ADGRB1: variants seen among roughly 807,000 people sequenced by gnomAD.
ADGRB1 encodes the protein adhesion G protein-coupled receptor B1, also known as brain-specific angiogenesis inhibitor 1.
Under a neutral mutation model 175.7 loss-of-function variants are expected in ADGRB1, and 36 were observed. The observed-to-expected ratio is 0.20, with a 90% CI of 0.16 to 0.27. ADGRB1 has a LOEUF of 0.27. Among genes scored for constraint, ADGRB1 ranks in the 10% least tolerant of loss-of-function variants. The pLI is 1.00. For missense variants in ADGRB1, 1,731 were observed against 2,255.3 expected, an observed-to-expected ratio of 0.77 and a Z score of 4.71; for synonymous variants, 1,054 against 979.4, an observed-to-expected ratio of 1.08 and a Z score of -1.42.
rs915506479 is a variant in ADGRB1, at chr8:142,464,666, C to T, written c.468C>T (p.Leu156=). Residue 156 remains leucine, a synonymous_variant, in exon 2 of 31, where the codon CTC becomes CTT. Transcript: ENST00000517894. ...RRQQPPQHDG[L]RPRAGPPGPT... Reference sequence around the variant, plus strand: ...AGCAGCCGCCCCAGCACGACGGGCTCCGGCCCCGGGCCGGGCCGCCGGGCC... The same window carrying T: ...AGCAGCCGCCCCAGCACGACGGGCTTCGGCCCCGGGCCGGGCCGCCGGGCC... 6 of 1,522,692 alleles carry T rather than the reference C, an allele frequency of 3.9e-6. No individual in the cohort carries two copies. The highest frequency in any genetic ancestry group is 2.5e-5 in the East Asian group (1 of 39,504). The allele number at this position is 1,522,692 out of a possible 1,614,324, so 94.3% of individuals were successfully genotyped here. A position where few individuals can be genotyped will look rare whatever the true frequency, so the allele number is the denominator to read the frequency against.
chr8:142,453,582 C>G (rs906749667), intron 1 of ADGRB1, among the ~76,000 whole-genome samples: 1 of 152,196 alleles, frequency 6.6e-6, no homozygotes, highest in African/African-American at 2.4e-5. Flanking sequence ...TGGGATCCCC[C>G]TGTAGACAGC....
chr8:142,502,264 TGG>T (rs2131980965), intron 17 of ADGRB1, among the ~76,000 whole-genome samples: 1 of 143,502 alleles, frequency 7.0e-6, no homozygotes, highest in African/African-American at 2.6e-5. Flanking sequence ...GTGGTGATGA[TGG>T]GGTGGCGGTA....
At chr8:142,456,769 G>A (rs1839707939) in intron 1 of ADGRB1, among the ~76,000 whole-genome samples, 1 of 152,368 alleles carries the variant, frequency 6.6e-6, no homozygotes, top group African/African-American at 2.4e-5. Flanking sequence ...CCGCCGTGGT[G>A]GGGTGGAGGC....
At chr8:142,459,013 C>T (rs1166548708) in intron 1 of ADGRB1, among the ~76,000 whole-genome samples, 4 of 152,214 alleles carry the variant, frequency 2.6e-5, no homozygotes, top group South Asian at 2.1e-4. Flanking sequence ...GAGTGGCCAG[C>T]GCCCACACTG....
intron 9 of ADGRB1, among the ~76,000 whole-genome samples, 163 bp downstream of exon 9, chr8:142,479,957 G>A (rs754605803): frequency 2.6e-5 from 4 of 152,246 alleles, no homozygotes; most frequent in Non-Finnish European, 1.5e-5. Flanking sequence ...AGGGCACCGT[G>A]TGAGAACTCT....
intron 19 of ADGRB1, among the ~76,000 whole-genome samples, chr8:142,519,864 ATGG>A (rs1200737895): frequency 8.7e-6 from 1 of 115,582 alleles, no homozygotes; most frequent in African/African-American, 3.5e-5. Flanking sequence ...GGTCGTGGTG[ATGG>A]TGGTGCTGGT....
At chr8:142,461,595 C>T (rs1019784584) in intron 1 of ADGRB1, among the ~76,000 whole-genome samples, 5 of 152,200 alleles carry the variant, frequency 3.3e-5, no homozygotes, top group Non-Finnish European at 7.4e-5. Context: ...AGCTCCTGTG[C>T]CTGCTCCTGG....
At chr8:142,495,974 G>T (rs1842194970) in intron 17 of ADGRB1, among the ~76,000 whole-genome samples, 1 of 151,368 alleles carries the variant, frequency 6.6e-6, no homozygotes, top group Non-Finnish European at 1.5e-5. Flanking sequence ...TGGATACGTG[G>T]GTGGCTGGAT....
intron 9 of ADGRB1, among the ~76,000 whole-genome samples, chr8:142,480,758 C>T (rs1299680583): frequency 6.6e-6 from 1 of 152,206 alleles, no homozygotes; most frequent in Non-Finnish European, 1.5e-5. Context: ...CTGATGATGT[C>T]CTGGGAGTGA....
chr8:142,543,816 A>G lies in ADGRB1; in HGVS notation c.4557+108A>G, dbSNP rs543999425. 239 of 1,091,546 alleles carry G rather than the reference A, an allele frequency of 2.2e-4. No individual in the cohort carries two copies. The African/African-American group carries it at 2.5e-3, about 11-fold the overall frequency. The allele number at this position is 1,091,546 out of a possible 1,614,324, so 67.6% of individuals were successfully genotyped here. A position where few individuals can be genotyped will look rare whatever the true frequency, so the allele number is the denominator to read the frequency against. Reference sequence around the variant, plus strand: ...CATCCATCCATCCATCCATCCATCCATTCGTTCATTCATTCATTCATTCGC... The same window carrying G: ...CATCCATCCATCCATCCATCCATCCGTTCGTTCATTCATTCATTCATTCGC... On this transcript the variant is annotated intron_variant, in intron 30 of 30. Transcript: ENST00000517894. This position sits in a 1 kb window ranked among gnomAD's most constrained non-coding sequence, Gnocchi z 4.4.
chr8:142,467,950 G>T (rs1416536125), intron 2 of ADGRB1, among the ~76,000 whole-genome samples: 1 of 152,220 alleles, frequency 6.6e-6, no homozygotes, highest in East Asian at 1.9e-4. Context: ...AGGGAGCAGA[G>T]ACAGACTGGA....
intron 24 of ADGRB1, among the ~76,000 whole-genome samples, chr8:142,532,520 G>T (rs545039920): frequency 6.6e-6 from 1 of 152,158 alleles, no homozygotes; most frequent in Admixed American, 6.5e-5. Flanking sequence ...GCAGGTGGCC[G>T]CTGGGGCTCA....
chr8:142,543,452 TC>T lies in ADGRB1; in HGVS notation c.4449+22del, dbSNP rs753262429. 104 of 1,612,094 alleles carry T rather than the reference TC, an allele frequency of 6.5e-5. 3 individuals are homozygous for T. The highest frequency in any genetic ancestry group is 3.6e-4 in the South Asian group (33 of 90,938). ...CTGGACTTTGAGGTGAGTTCTGGTG[TC>T]CCCCCCCACCAGACACTTAGGGCCA... On this transcript the variant is annotated intron_variant, in intron 29 of 30. Transcript: ENST00000517894. This position sits in a 1 kb window ranked among gnomAD's most constrained non-coding sequence, Gnocchi z 4.4.
intron 17 of ADGRB1, 67 bp downstream of exon 17, chr8:142,490,882 G>T: frequency 6.5e-7 from 1 of 1,528,452 alleles, no homozygotes; most frequent in East Asian, 2.4e-5. Flanking sequence ...TGGCCCAGTA[G>T]GGGAGGGGTG....
At chr8:142,515,064 G>A (rs745872177) in intron 18 of ADGRB1, among the ~76,000 whole-genome samples, 2 of 152,094 alleles carry the variant, frequency 1.3e-5, no homozygotes, top group Admixed American at 1.3e-4. Context: ...GCAGAGACTC[G>A]GTCACCAGCC....
chr8:142,497,631 G>T (rs1347006642), intron 17 of ADGRB1, among the ~76,000 whole-genome samples: 1 of 152,184 alleles, frequency 6.6e-6, no homozygotes, highest in Non-Finnish European at 1.5e-5. Context: ...GGGCCTCGGG[G>T]ACAGGGGAGA....
rs1587374034 is a variant in ADGRB1 at position 142,509,546 on chromosome 8, C to G, written c.2676-1386C>G. On this transcript the variant is annotated intron_variant, in intron 17 of 30. Coordinates refer to ENST00000517894, the MANE Select transcript of ADGRB1 (RefSeq NM_001702.3). ...CCCTTCTGACTCCTAGCCTCAGCCC[C>G]CGTTGGTACAGTGGGGACCGGATGG... Among the ~76,000 whole-genome samples, 3 of 152,294 alleles carry G rather than the reference C, an allele frequency of 2.0e-5. No individual in the cohort carries two copies. The South Asian group carries it at 6.2e-4, about 32-fold the overall frequency.
intron 2 of ADGRB1, among the ~76,000 whole-genome samples, chr8:142,467,767 C>A (rs1325171003): frequency 6.6e-6 from 1 of 152,242 alleles, no homozygotes; most frequent in African/African-American, 2.4e-5. Flanking sequence ...TCCATCAGGT[C>A]TCTCATCCCC....
intron 2 of ADGRB1, among the ~76,000 whole-genome samples, chr8:142,467,611 G>A (rs973077265): frequency 1.3e-5 from 2 of 152,214 alleles, no homozygotes; most frequent in African/African-American, 4.8e-5. Context: ...CATGTGAACA[G>A]GCAGCTCTGA....
Sources: gnomAD v4.1 joint callset for allele counts (sites outside exome capture counted in the v4.1 genomes callset) on GRCh38, gnomAD v4.1.1 for gene constraint, Gnocchi (gnomAD v3.1) non-coding constraint, MANE v1.5 for transcripts, NCBI Gene and HGNC (gene_info 2026-07-23, HGNC 2026-07-21) for gene names.